Variants in CCDC85A observed in about 807,000 individuals in gnomAD.
CCDC85A encodes coiled-coil domain containing 85A, also known as coiled-coil domain-containing protein 85A.
Under a neutral mutation model 50.2 loss-of-function variants are expected in CCDC85A, and 38 were observed. That is an observed-to-expected ratio of 0.76 (90% CI 0.58 to 0.99). The LOEUF (loss-of-function observed/expected upper bound fraction) is 0.99, where lower values mean the gene tolerates loss of function less well. Ranked by LOEUF, CCDC85A falls within the 50% of genes least tolerant of loss-of-function variation. The probability of loss-of-function intolerance (pLI) is 0.00; values close to 1 mark genes in which losing one functional copy is unlikely to be tolerated. For synonymous variants in CCDC85A, 366 were observed against 301.4 expected, an observed-to-expected ratio of 1.21 and a Z score of -2.22; for missense variants, 820 against 742.0, an observed-to-expected ratio of 1.11 and a Z score of -1.22.
At chr2:56,339,247 TC>T (rs1674236047) in intron 2 of CCDC85A, among the ~76,000 whole-genome samples, 2 of 152,356 alleles carry the variant, frequency 1.3e-5, no homozygotes, top group South Asian at 4.1e-4. Context: ...CCATTTTTTT[TC>T]ATTATTTCAC....
intron 2 of CCDC85A, among the ~76,000 whole-genome samples, chr2:56,205,795 T>A (rs1405037039): frequency 6.6e-6 from 1 of 152,078 alleles, no homozygotes; most frequent in East Asian, 1.9e-4. Context: ...TGGTAGTAGG[T>A]ATTATGTGAG....
At chr2:56,326,488 A>T (rs1476014692) in intron 2 of CCDC85A, among the ~76,000 whole-genome samples, 1 of 152,120 alleles carries the variant, frequency 6.6e-6, no homozygotes, top group Non-Finnish European at 1.5e-5. Context: ...AAGGGCCCAA[A>T]TGAACTTCAA....
intron 2 of CCDC85A, among the ~76,000 whole-genome samples, chr2:56,281,280 A>T (rs936824276): frequency 5.3e-5 from 8 of 152,278 alleles, no homozygotes; most frequent in East Asian, 1.9e-4. Flanking sequence ...TTCATTTTTT[A>T]AAAAATATTT....
intron 1 of CCDC85A, among the ~76,000 whole-genome samples, 187 bp downstream of exon 1, chr2:56,185,087 C>T (rs2103799048): frequency 6.6e-6 from 1 of 151,692 alleles, no homozygotes; most frequent in African/African-American, 2.4e-5. Context: ...CGTCTGCTCC[C>T]CTCCTCTCCC....
intron 3 of CCDC85A, among the ~76,000 whole-genome samples, chr2:56,352,679 T>C (rs1675015342): frequency 6.6e-6 from 1 of 152,168 alleles, no homozygotes; most frequent in Middle Eastern, 3.2e-3. Flanking sequence ...AAAGCTGTCA[T>C]TGTATGAAAA....
intron 2 of CCDC85A, among the ~76,000 whole-genome samples, chr2:56,217,401 G>A (rs539271016): frequency 2.0e-5 from 3 of 151,752 alleles, no homozygotes; most frequent in African/African-American, 7.3e-5. Context: ...TGCATTTTGT[G>A]GTTGTCACTG....
intron 2 of CCDC85A, among the ~76,000 whole-genome samples, chr2:56,327,505 T>C (rs116227500): frequency 0.013 from 1,909 of 152,232 alleles, 52 homozygotes; most frequent in African/African-American, 0.043. Context: ...TTAGAATCAC[T>C]CCTAAAGATT....
intron 1 of CCDC85A, among the ~76,000 whole-genome samples, chr2:56,187,453 A>G (rs1024917484): frequency 9.2e-5 from 14 of 152,092 alleles, no homozygotes; most frequent in African/African-American, 3.4e-4. Context: ...TTGTGTTTAG[A>G]TATTTGGGAG....
rs1171843851 is a variant in CCDC85A, at chr2:56,184,844, A to T, written c.220A>T (p.Ile74Phe). Residue 74 changes from isoleucine (I) to phenylalanine (F), a missense_variant, in exon 1 of 6, where the codon ATC becomes TTC. Ile to Phe is a conservative substitution (Grantham distance 21). Transcript: ENST00000407595. ...CGCGATGCTGGACCACAGCAACCTC[A>T]TCCGCGAGGTGAACCGCCGCCTGCA... ...VSAMLDHSNLIREVNRRLQLH... is the reference protein window; with the variant it reads ...VSAMLDHSNLFREVNRRLQLH... 6.5e-7 allele frequency: 1 copy of T among 1,540,262 alleles called. No homozygotes were observed. Among genetic ancestry groups the T allele is most frequent in the African/African-American group, 1.4e-5 (1 of 71,902 alleles).
chr2:56,190,940 C>T (rs1185967308), intron 1 of CCDC85A, among the ~76,000 whole-genome samples: 1 of 152,216 alleles, frequency 6.6e-6, no homozygotes, highest in African/African-American at 2.4e-5. Flanking sequence ...AACCCAAAGC[C>T]TTTCCCGTCG....
intron 4 of CCDC85A, among the ~76,000 whole-genome samples, 168 bp downstream of exon 4, chr2:56,372,646 T>G (rs2104391962): frequency 6.6e-6 from 1 of 152,310 alleles, no homozygotes; most frequent in South Asian, 2.1e-4. Context: ...TTTCACCTCC[T>G]AAACAGTTTT....
At chr2:56,316,312 A>G (rs1044132556) in intron 2 of CCDC85A, among the ~76,000 whole-genome samples, 1 of 152,106 alleles carries the variant, frequency 6.6e-6, no homozygotes, top group African/African-American at 2.4e-5. Flanking sequence ...ATATTAGTGG[A>G]AAACTGATTT....
chr2:56,211,997 T>C (rs1440280420), intron 2 of CCDC85A, among the ~76,000 whole-genome samples: 1 of 152,056 alleles, frequency 6.6e-6, no homozygotes, highest in Non-Finnish European at 1.5e-5. Flanking sequence ...TTTTGTACAT[T>C]ACACAGGAGG....
chr2:56,218,032 C>G (rs1028667995), intron 2 of CCDC85A, among the ~76,000 whole-genome samples: 1 of 151,770 alleles, frequency 6.6e-6, no homozygotes, highest in African/African-American at 2.4e-5. Context: ...ACATATGGTA[C>G]CTTGTCTGAT....
intron 1 of CCDC85A, among the ~76,000 whole-genome samples, chr2:56,191,270 C>T (rs529280050): frequency 2.6e-5 from 4 of 151,126 alleles, no homozygotes; most frequent in East Asian, 1.9e-4. Flanking sequence ...ATGCTCTATA[C>T]GTGTTTTTTG....
At position 56,193,181 on chromosome 2, in the gene CCDC85A, A is replaced by G. The variant is rs778350648; in HGVS notation, c.981A>G (p.Glu327=). Residue 327 remains glutamate, a synonymous_variant, in exon 2 of 6, where the codon GAA becomes GAG. Transcript: ENST00000407595. ...AGCACCGGTCAGGGAGCAGCCCTGA[A>G]CACGCCAGGCACAGTGGAGGGAGCC... ...FQKHRSGSSP[E]HARHSGGSPE... The G allele has an allele frequency of 1.5e-4, 235 of 1,612,512 alleles. No individual in the cohort carries two copies. The highest frequency in any genetic ancestry group is 1.9e-4 in the Non-Finnish European group (229 of 1,179,392).
At chr2:56,255,774 T>C (rs1669957870) in intron 2 of CCDC85A, among the ~76,000 whole-genome samples, 1 of 152,142 alleles carries the variant, frequency 6.6e-6, no homozygotes, top group Admixed American at 6.5e-5. Context: ...GTTGTTGTTT[T>C]GTTTTATGAG....
intron 2 of CCDC85A, among the ~76,000 whole-genome samples, chr2:56,304,963 C>T (rs1367932543): frequency 5.3e-5 from 8 of 150,394 alleles, no homozygotes; most frequent in Non-Finnish European, 8.9e-5. Context: ...AAAACCTGGG[C>T]GTGGTGGTGT....
rs180908540 is a variant in CCDC85A at position 56,308,009 on chromosome 2, C to G, written c.1241-34870C>G. Among the ~76,000 whole-genome samples the G allele has an allele frequency of 2.8e-3, 421 of 152,276 alleles. 4 individuals carry two copies. Among genetic ancestry groups the G allele is most frequent in the African/African-American group, 9.8e-3 (409 of 41,578 alleles). On this transcript the variant is annotated intron_variant, in intron 2 of 5. Transcript: ENST00000407595. ...TAGGAAGTGTGTTTTACATGTGTCA[C>G]TCTAATTCTGAAGTTTACCCCAATA...
Sources: gnomAD v4.1 joint callset for allele counts (sites outside exome capture counted in the v4.1 genomes callset) on GRCh38, gnomAD v4.1.1 for gene constraint, MANE v1.5 for transcripts, NCBI Gene and HGNC (gene_info 2026-07-23, HGNC 2026-07-21) for gene names.